The following MAST4 variants were observed in gnomAD, a reference collection of about 807,000 sequenced individuals.
The protein encoded by MAST4 is microtubule associated serine/threonine kinase family member 4, also known as microtubule-associated serine/threonine-protein kinase 4.
A neutral mutation model predicts 162.7 loss-of-function variants in MAST4; 89 were observed. The observed-to-expected ratio is 0.55, with a 90% CI of 0.46 to 0.65. The LOEUF (loss-of-function observed/expected upper bound fraction) is 0.65, where lower values mean the gene tolerates loss of function less well. Among genes scored for constraint, MAST4 ranks in the 30% least tolerant of loss-of-function variants. The pLI is 0.00. For missense variants in MAST4, 3,153 were observed against 3,374.0 expected, an observed-to-expected ratio of 0.93 and a Z score of 1.62; for synonymous variants, 1,479 against 1,361.1, an observed-to-expected ratio of 1.09 and a Z score of -1.91.
At chr5:66,809,776 G>A (rs529087377) in intron 3 of MAST4, among the ~76,000 whole-genome samples, 4 of 151,870 alleles carry the variant, frequency 2.6e-5, no homozygotes, top group South Asian at 2.1e-4. Flanking sequence ...TTGCTCTGTC[G>A]CCAGGCTGGA....
Position 66,759,779 on chromosome 5 carries a change from C to G in MAST4, c.434C>G (p.Pro145Arg). 1 of 1,613,934 alleles carries G rather than the reference C, an allele frequency of 6.2e-7. No homozygotes were observed. Among genetic ancestry groups the G allele is most frequent in the Non-Finnish European group, 8.5e-7 (1 of 1,179,882 alleles). The change falls in exon 2 of 29, where the codon CCT becomes CGT. Residue 145 changes from proline (P) to arginine (R), a missense_variant. Transcript: ENST00000403625. ...KCSNPDVASG[P>R]GKSLKYKRQL... ...AGCAACCCAGATGTGGCTTCTGGCCCTGGAAAATCACTGAAGTATAAAAGA... is the reference window on the plus strand; with the variant it reads ...AGCAACCCAGATGTGGCTTCTGGCCGTGGAAAATCACTGAAGTATAAAAGA...
In MAST4 at chr5:66,982,677, A is replaced by C. The variant is rs368748122; in HGVS notation, c.675-71727A>C. Among the ~76,000 whole-genome samples, 138 of 152,340 alleles carry C rather than the reference A, an allele frequency of 9.1e-4. 3 individuals carry two copies. In the South Asian group the frequency reaches 0.027, roughly 29 times the overall value. ...CTTAGTAACAGCATCTTGCTTTGAC[A>C]GCCTTTTGTTCTCCCTAGCTGATAT... On this transcript the variant is annotated intron_variant, in intron 4 of 28. Coordinates refer to ENST00000403625, the MANE Select transcript of MAST4 (RefSeq NM_001164664.2).
At chr5:66,740,564 C>T (rs1184096780) in intron 1 of MAST4, among the ~76,000 whole-genome samples, 2 of 152,208 alleles carry the variant, frequency 1.3e-5, no homozygotes, top group African/African-American at 2.4e-5. Context: ...TTTCTTCTCT[C>T]CCATCCATCA....
intron 3 of MAST4, among the ~76,000 whole-genome samples, chr5:66,837,805 TTA>T (rs1234739269): frequency 2.2e-4 from 32 of 148,488 alleles, no homozygotes; most frequent in Non-Finnish European, 4.0e-4. Flanking sequence ...TTGACAGCCT[TTA>T]AAATGTATGT....
At chr5:66,642,211 A>G (rs1467764023) in intron 1 of MAST4, among the ~76,000 whole-genome samples, 1 of 152,202 alleles carries the variant, frequency 6.6e-6, no homozygotes, top group Non-Finnish European at 1.5e-5. Context: ...TATAAGAAAT[A>G]TAGTGGAAAG....
Position 66,812,526 on chromosome 5 carries a change from C to T in MAST4, c.642+23732C>T, listed in dbSNP as rs139669702. ...CATTGCCATGGTCAAATCTTGGCTC[C>T]GATAGAACCTGTGTTGAGGAAATAA... On this transcript the variant is annotated intron_variant, in intron 3 of 28. Transcript: ENST00000403625. Among the ~76,000 whole-genome samples, 543 of 152,174 alleles carry T rather than the reference C, an allele frequency of 3.6e-3. 2 individuals carry two copies. The highest frequency in any genetic ancestry group is 0.013 in the African/African-American group (521 of 41,482).
At chr5:67,159,926 G>T (rs1435731837) in intron 26 of MAST4, among the ~76,000 whole-genome samples, 2 of 152,160 alleles carry the variant, frequency 1.3e-5, no homozygotes, top group Non-Finnish European at 1.5e-5. Context: ...GTCTCATTCG[G>T]TTTTGTTACT....
intron 3 of MAST4, among the ~76,000 whole-genome samples, chr5:66,883,732 A>G (rs1761860125): frequency 6.6e-6 from 1 of 152,052 alleles, no homozygotes; most frequent in Admixed American, 6.6e-5. Flanking sequence ...CGGCTTTTAT[A>G]AACACATGGA....
At chr5:66,641,574 C>T (rs528702439) in intron 1 of MAST4, among the ~76,000 whole-genome samples, 1 of 152,338 alleles carries the variant, frequency 6.6e-6, no homozygotes, top group South Asian at 2.1e-4. Flanking sequence ...CTAAATATTA[C>T]TTCCCAGCAA....
intron 19 of MAST4, among the ~76,000 whole-genome samples, chr5:67,141,079 A>G (rs556766308): frequency 3.3e-5 from 5 of 151,768 alleles, no homozygotes; most frequent in African/African-American, 1.2e-4. Flanking sequence ...ACAGACAGCA[A>G]CCCCCAACCA....
chr5:67,117,276 C>T lies in MAST4; in HGVS notation c.1592-1406C>T, dbSNP rs571823293. Among the ~76,000 whole-genome samples the T allele has an allele frequency of 1.7e-3, 260 of 152,180 alleles. 2 individuals are homozygous for T. The highest frequency in any genetic ancestry group is 6.0e-3 in the African/African-American group (249 of 41,516). ...GGATATTGACATCATTTGAATGAGA[C>T]GAAGAAAGGACATAGTTTGTGCTAA... On this transcript the variant is annotated intron_variant, in intron 12 of 28. Transcript: ENST00000403625.
rs567477906 is a variant in MAST4 at position 67,139,465 on chromosome 5, G to A, written c.2495-2650G>A. Reference sequence around the variant, plus strand: ...TGAACTTGTAGAATATTGAGTGGCAGCCTGACTCCCTGGACTTCAGAGCTG... The same window carrying A: ...TGAACTTGTAGAATATTGAGTGGCAACCTGACTCCCTGGACTTCAGAGCTG... On this transcript the variant is annotated intron_variant, in intron 19 of 28. Transcript: ENST00000403625. Among the ~76,000 whole-genome samples, 3 of 152,286 alleles carry A rather than the reference G, an allele frequency of 2.0e-5. No individual in the cohort carries two copies. In the East Asian group the frequency reaches 5.8e-4, roughly 29 times the overall value.
chr5:66,726,525 C>CT (rs1188844130), intron 1 of MAST4, among the ~76,000 whole-genome samples: 2 of 152,056 alleles, frequency 1.3e-5, no homozygotes, highest in Admixed American at 1.3e-4. Flanking sequence ...TGTGAAGTAC[C>CT]TGGTACACCA....
chr5:66,935,382 C>T (rs1742625380), intron 4 of MAST4, among the ~76,000 whole-genome samples: 1 of 152,134 alleles, frequency 6.6e-6, no homozygotes, highest in Non-Finnish European at 1.5e-5. Flanking sequence ...TCTAGGGTAC[C>T]TATGGAGGCC....
chr5:66,930,803 T>A (rs1742111750), intron 4 of MAST4: 1 of 470,702 alleles, frequency 2.1e-6, no homozygotes, highest in South Asian at 1.5e-5. Context: ...AGAATGGGTG[T>A]GCCTGCTTTA....
chr5:66,879,274 G>A (rs573192028), intron 3 of MAST4, among the ~76,000 whole-genome samples: 16 of 28,498 alleles, frequency 5.6e-4, no homozygotes, highest in Non-Finnish European at 8.1e-4. Context: ...GCAAGACTCC[G>A]TCTCAAAAAA....
intron 2 of MAST4, among the ~76,000 whole-genome samples, chr5:66,788,328 C>T (rs1285612021): frequency 1.3e-5 from 2 of 152,166 alleles, no homozygotes; most frequent in African/African-American, 4.8e-5. Flanking sequence ...TACAAATGCA[C>T]GCGCTTACTT....
At chr5:66,802,181 A>T (rs1339161928) in intron 3 of MAST4, among the ~76,000 whole-genome samples, 2 of 152,172 alleles carry the variant, frequency 1.3e-5, no homozygotes, top group East Asian at 3.8e-4. Context: ...TACATGTTAG[A>T]TGATTTGCAA....
intron 1 of MAST4, among the ~76,000 whole-genome samples, chr5:66,722,289 C>G (rs1306672726): frequency 6.6e-6 from 1 of 152,122 alleles, no homozygotes; most frequent in Non-Finnish European, 1.5e-5. Flanking sequence ...CATGCTCTTG[C>G]CTCCTGGCTA....
Sources: allele counts gnomAD v4.1 joint callset (sites outside exome capture counted in the v4.1 genomes callset), GRCh38; gene constraint gnomAD v4.1.1; transcripts MANE v1.5; gene names NCBI Gene and HGNC (gene_info 2026-07-23, HGNC 2026-07-21).